The following JAK2 variants were observed in gnomAD, a reference collection of about 807,000 sequenced individuals.
JAK2 encodes Janus kinase 2, also known as tyrosine-protein kinase JAK2.
JAK2 carries 86 observed loss-of-function variants against 139.3 expected under a neutral mutation model. That is an observed-to-expected ratio of 0.62 (90% CI 0.52 to 0.74). JAK2 has a LOEUF of 0.74. Ranked by LOEUF, JAK2 falls within the 30% of genes least tolerant of loss-of-function variation. The pLI, the probability that JAK2 is intolerant of heterozygous loss-of-function variation, is 0.00. For missense variants in JAK2, 1,421 were observed against 1,360.3 expected, an observed-to-expected ratio of 1.04 and a Z score of -0.70; for synonymous variants, 490 against 437.7, an observed-to-expected ratio of 1.12 and a Z score of -1.49.
At chr9:5,009,199 A>C (rs916805528) in intron 2 of JAK2, among the ~76,000 whole-genome samples, 14 of 152,228 alleles carry the variant, frequency 9.2e-5, no homozygotes, top group Non-Finnish European at 1.9e-4. Context: ...AGGCTCAGAC[A>C]TCAGCAGGTG....
chr9:5,051,740 T>G (rs1817429437), intron 6 of JAK2, among the ~76,000 whole-genome samples: 1 of 152,160 alleles, frequency 6.6e-6, no homozygotes, highest in Non-Finnish European at 1.5e-5. Flanking sequence ...GGTTAAAGCT[T>G]CCTTTTTTGA....
chr9:5,016,408 T>C (rs906373620), intron 2 of JAK2, among the ~76,000 whole-genome samples: 3 of 152,140 alleles, frequency 2.0e-5, no homozygotes, highest in African/African-American at 7.2e-5. Flanking sequence ...TGTGTGTGTG[T>C]TGAGGGCAAG....
chr9:5,120,132 T>C (rs1295007128), intron 22 of JAK2, among the ~76,000 whole-genome samples: 5 of 152,198 alleles, frequency 3.3e-5, no homozygotes, highest in Non-Finnish European at 5.9e-5. Flanking sequence ...GCTCTCTTCT[T>C]TCCAAGATGG....
intron 6 of JAK2, among the ~76,000 whole-genome samples, chr9:5,052,710 C>CA (rs1817507542): frequency 6.6e-6 from 1 of 152,038 alleles, no homozygotes. Context: ...TTTCCTGTCT[C>CA]AAACATTTCA....
intron 22 of JAK2, among the ~76,000 whole-genome samples, chr9:5,092,889 T>A (rs1472876685): frequency 6.6e-6 from 1 of 152,158 alleles, no homozygotes; most frequent in African/African-American, 2.4e-5. Flanking sequence ...ACTGTTAATC[T>A]AAAGAGGGAC....
intron 22 of JAK2, among the ~76,000 whole-genome samples, chr9:5,119,605 C>T (rs187259629): frequency 7.9e-5 from 12 of 151,882 alleles, no homozygotes; most frequent in African/African-American, 2.7e-4. Context: ...ATAAATAATA[C>T]AGAGTAAAAT....
At chr9:5,126,266 G>A in intron 23 of JAK2, 67 bp from the exon 24 acceptor site, 1 of 1,150,876 alleles carries the variant, frequency 8.7e-7, no homozygotes, top group Non-Finnish European at 1.3e-6. Flanking sequence ...ATTGACTGGA[G>A]GAAATTGAGA....
chr9:5,077,679 G>C (rs1819399511), intron 15 of JAK2, 99 bp downstream of exon 15: 2 of 694,722 alleles, frequency 2.9e-6, no homozygotes, highest in Non-Finnish European at 4.4e-6. Context: ...TCTGTAATTG[G>C]ATGCCAATTC....
Position 5,077,524 on chromosome 9 carries a change from A to C in JAK2, c.1936A>C (p.Asn646His), listed in dbSNP as rs765546535. The change falls in exon 15 of 25, where the codon AAT becomes CAT. Residue 646 changes from asparagine (N) to histidine (H), a missense_variant. By Grantham distance (68) the Asn-to-His change is moderately conservative. Transcript: ENST00000381652. ...TCTGAAAAAGAATAAAAATTGTATA[A>C]ATATATTATGGAAACTTGAAGTTGC... ...TYLKKNKNCI[N>H]ILWKLEVAKQ... The C allele has an allele frequency of 3.4e-5, 50 of 1,479,452 alleles. 1 individual carries two copies. Among genetic ancestry groups the C allele is most frequent in the Non-Finnish European group, 4.5e-5 (50 of 1,107,224 alleles). The allele number at this position is 1,479,452 out of a possible 1,614,324, so 91.6% of individuals were successfully genotyped here.
chr9:5,110,750 C>T (rs2130794728), intron 22 of JAK2: 5 of 375,684 alleles, frequency 1.3e-5, no homozygotes, highest in South Asian at 1.1e-4. Flanking sequence ...ATTTTCTTTG[C>T]TCTGCGGACT....
At chr9:5,027,807 A>C (rs546602225) in intron 3 of JAK2, among the ~76,000 whole-genome samples, 3 of 152,316 alleles carry the variant, frequency 2.0e-5, no homozygotes, top group African/African-American at 7.2e-5. Context: ...ATAAAAAGCA[A>C]TTCCTTATAT....
At chr9:5,096,176 A>G (rs1820970898) in intron 22 of JAK2, among the ~76,000 whole-genome samples, 2 of 152,190 alleles carry the variant, frequency 1.3e-5, no homozygotes, top group South Asian at 4.1e-4. Context: ...TGACAATTCA[A>G]AAACACAAAA....
chr9:5,093,947 C>G (rs1053279127), intron 22 of JAK2, among the ~76,000 whole-genome samples: 3 of 152,090 alleles, frequency 2.0e-5, no homozygotes, highest in African/African-American at 7.2e-5. Context: ...ATACGGCCCA[C>G]TTCATAAAGT....
chr9:5,115,300 A>G (rs181055368), intron 22 of JAK2, among the ~76,000 whole-genome samples: 76 of 152,314 alleles, frequency 5.0e-4, no homozygotes, highest in African/African-American at 1.8e-3. Flanking sequence ...GCCAACAAAC[A>G]TATGAAAAAA....
chr9:5,092,387 G>A (rs970603858), intron 22 of JAK2, among the ~76,000 whole-genome samples: 6 of 152,084 alleles, frequency 3.9e-5, no homozygotes, highest in African/African-American at 1.4e-4. Context: ...TAAGTGTACT[G>A]GAAAGTGCTC....
intron 4 of JAK2, among the ~76,000 whole-genome samples, chr9:5,033,023 A>G (rs1168842558): frequency 3.3e-5 from 5 of 152,240 alleles, no homozygotes; most frequent in Non-Finnish European, 7.3e-5. Flanking sequence ...ATGGCTAACT[A>G]GAATAACCAA....
At chr9:5,021,914 T>A in intron 2 of JAK2, 49 bp from the exon 3 acceptor site, 1 of 1,111,992 alleles carries the variant, frequency 9.0e-7, no homozygotes, top group Non-Finnish European at 1.3e-6. Context: ...ATTACAGGTG[T>A]GAGACACTGC....
At chr9:5,016,263 C>T (rs908775086) in intron 2 of JAK2, among the ~76,000 whole-genome samples, 2 of 152,276 alleles carry the variant, frequency 1.3e-5, no homozygotes, top group South Asian at 2.1e-4. Flanking sequence ...GGATCTGCAT[C>T]GTATCAGATA....
At chr9:5,076,060 G>A (rs984776453) in intron 14 of JAK2, among the ~76,000 whole-genome samples, 3 of 152,210 alleles carry the variant, frequency 2.0e-5, no homozygotes, top group African/African-American at 7.2e-5. Context: ...GGAGCTTGAA[G>A]ATGTGACTCA....
Sources: gnomAD v4.1 joint callset for allele counts (sites outside exome capture counted in the v4.1 genomes callset) on GRCh38, gnomAD v4.1.1 for gene constraint, MANE v1.5 for transcripts, NCBI Gene and HGNC (gene_info 2026-07-23, HGNC 2026-07-21) for gene names.